The following CFAP91 variants were observed in gnomAD, a reference collection of about 807,000 sequenced individuals.
CFAP91 encodes the protein cilia- and flagella-associated protein 91.
Under a neutral mutation model 95.9 loss-of-function variants are expected in CFAP91, and 85 were observed. That is an observed-to-expected ratio of 0.89 (90% confidence interval 0.74 to 1.06). The LOEUF is 1.06. CFAP91 is among the 50% of genes least tolerant of loss of function. The pLI, the probability that CFAP91 is intolerant of heterozygous loss-of-function variation, is 0.00. For synonymous variants in CFAP91, 335 were observed against 327.5 expected (o/e 1.02, Z -0.25); for missense variants, 962 against 943.4 (o/e 1.02, Z -0.26).
chr3:119,739,940 G>T (rs935741310), intron 12 of CFAP91, among the ~76,000 whole-genome samples: 30 of 152,094 alleles, frequency 2.0e-4, no homozygotes, highest in African/African-American at 7.0e-4. Context: ...TAAAGCCTTA[G>T]CCAGATTATT....
chr3:119,737,478 C>G lies in CFAP91; in HGVS notation c.1457C>G (p.Ser486Cys). The change falls in exon 11 of 18, where the codon TCC (serine) becomes TGC (cysteine). Residue 486 changes from serine (S) to cysteine (C), a missense_variant. Coordinates refer to ENST00000273390, the MANE Select transcript of CFAP91 (RefSeq NM_033364.4). ...RLPTPTLEMTSNEEEEMEMAV... is the reference protein window; with the variant it reads ...RLPTPTLEMTCNEEEEMEMAV... Reference sequence around the variant, plus strand: ...CCAACTCCAACCTTGGAAATGACGTCCAATGTAAGTTGGAAACTTTTTAGT... The same window carrying G: ...CCAACTCCAACCTTGGAAATGACGTGCAATGTAAGTTGGAAACTTTTTAGT... 1 of 1,581,430 alleles carries G rather than the reference C, an allele frequency of 6.3e-7. No individual in the cohort carries two copies. The highest frequency in any genetic ancestry group is 1.2e-5 in the South Asian group (1 of 86,956).
At chr3:119,740,808 C>A in intron 13 of CFAP91, 113 bp downstream of exon 13, 1 of 1,156,610 alleles carries the variant, frequency 8.6e-7, no homozygotes, top group Non-Finnish European at 1.2e-6. Flanking sequence ...AAGAAACAGC[C>A]CCACAATCCC....
At chr3:119,739,218 G>C (rs749855431) in intron 11 of CFAP91, 37 bp from the exon 12 acceptor site, 4 of 1,566,996 alleles carry the variant, frequency 2.6e-6, no homozygotes, top group Non-Finnish European at 3.5e-6. Flanking sequence ...GACTACTGCA[G>C]TTCTCAAGCT....
intron 6 of CFAP91, among the ~76,000 whole-genome samples, chr3:119,722,203 G>T (rs1350659242): frequency 6.8e-6 from 1 of 146,136 alleles, no homozygotes; most frequent in Non-Finnish European, 1.5e-5. Flanking sequence ...AAAGGAAGAA[G>T]ATGAAAGAAA....
chr3:119,740,932 G>A, intron 13 of CFAP91: 1 of 474,050 alleles, frequency 2.1e-6, no homozygotes, highest in Non-Finnish European at 3.8e-6. Flanking sequence ...GTGGCTCACT[G>A]CAACCTCTGC....
At chr3:119,711,047 C>T (rs181407053) in intron 5 of CFAP91, among the ~76,000 whole-genome samples, 47 of 152,252 alleles carry the variant, frequency 3.1e-4, no homozygotes, top group Non-Finnish European at 4.4e-5. Context: ...TTTCTGAATA[C>T]AAATTTATTC....
At chr3:119,706,568 C>A in intron 1 of CFAP91, 1 of 461,682 alleles carries the variant, frequency 2.2e-6, no homozygotes, top group East Asian at 3.6e-5. Flanking sequence ...TTTATGAATT[C>A]CACTTCCGTA....
chr3:119,762,771 A>G (rs913262081), intron 17 of CFAP91, among the ~76,000 whole-genome samples: 2 of 152,074 alleles, frequency 1.3e-5, no homozygotes, highest in Non-Finnish European at 2.9e-5. Context: ...ATCTACATAC[A>G]GAAGAATGAA....
chr3:119,743,841 A>G (rs906486779), intron 13 of CFAP91, 134 bp from the exon 14 acceptor site: 14 of 790,696 alleles, frequency 1.8e-5, no homozygotes, highest in Admixed American at 3.0e-5. Flanking sequence ...TTGAGAGGTA[A>G]TATTCCCAGT....
intron 7 of CFAP91, among the ~76,000 whole-genome samples, chr3:119,728,015 T>C (rs9828064): frequency 0.53 from 74,690 of 141,848 alleles, 18,823 homozygotes; most frequent in East Asian, 0.62. Flanking sequence ...ATGATGATAA[T>C]GATGATGATG....
intron 5 of CFAP91, among the ~76,000 whole-genome samples, chr3:119,711,600 A>G (rs997731043): frequency 9.2e-5 from 14 of 152,212 alleles, no homozygotes; most frequent in Non-Finnish European, 1.8e-4. Context: ...GCTACTCTCT[A>G]TCTGTCTTAG....
In CFAP91 at chr3:119,765,079, T is replaced by C. The variant is rs1341856946; in HGVS notation, c.*29T>C. 6.6e-6 allele frequency: 1 copy of C among 152,198 alleles called. No individual in the cohort carries two copies. Among genetic ancestry groups the C allele is most frequent in the African/African-American group, 2.4e-5 (1 of 41,452 alleles). 9.4% of individuals were successfully genotyped at this position (152,198 alleles called of 1,614,324 possible). ...TGTGATTTTTTTGTAAAAGAAGCTG[T>C]ACGAATCATCATAAATAATTCCAAT... On this transcript the variant is annotated 3_prime_UTR_variant, in exon 18 of 18. Coordinates refer to ENST00000273390, the MANE Select transcript of CFAP91 (RefSeq NM_033364.4).
At chr3:119,750,581 G>A (rs889136865) in intron 16 of CFAP91, 39 of 246,316 alleles carry the variant, frequency 1.6e-4, no homozygotes, top group Non-Finnish European at 2.0e-4. Context: ...CTCACATGAA[G>A]TGCTTCAATG....
chr3:119,737,380 G>A lies in CFAP91; in HGVS notation c.1359G>A (p.Lys453=), dbSNP rs2054030424. The A allele has an allele frequency of 6.3e-7, 1 of 1,589,358 alleles. No individual in the cohort carries two copies. Among genetic ancestry groups the A allele is most frequent in the Non-Finnish European group, 8.6e-7 (1 of 1,167,556 alleles). Residue 453 remains lysine, a synonymous_variant, in exon 11 of 18, where the codon AAG becomes AAA. Coordinates refer to ENST00000273390, the MANE Select transcript of CFAP91 (RefSeq NM_033364.4). ...CATTATTTCAGGCACTGTTGGATAA[G>A]AAGAATAAAGTTCTTGAAGTAAAGA... The part of the protein sequence containing the change: ...LAEVHKALLD[K]KNKVLEVKKP...
rs1435143004 is a variant in CFAP91, at chr3:119,757,156, C to T, written c.*1+6058C>T. On this transcript the variant is annotated intron_variant, in intron 17 of 17. Transcript: ENST00000273390. ...AGTATTAGAGAAAAAGAGGGACATG[C>T]CATAAAGATAAAGGTCTAATTTATT... is the stretch of plus-strand genomic sequence containing the variant. Among the ~76,000 whole-genome samples, 4 of 151,882 alleles carry T rather than the reference C, an allele frequency of 2.6e-5. No individual in the cohort carries two copies. The East Asian group carries it at 7.7e-4, about 29-fold the overall frequency.
intron 6 of CFAP91, among the ~76,000 whole-genome samples, chr3:119,722,671 T>A (rs572365183): frequency 1.3e-5 from 2 of 152,172 alleles, no homozygotes; most frequent in Admixed American, 1.3e-4. Flanking sequence ...AAAATATATT[T>A]TTTTGTGGAG....
At chr3:119,743,222 A>G (rs2054154891) in intron 13 of CFAP91, among the ~76,000 whole-genome samples, 1 of 151,178 alleles carries the variant, frequency 6.6e-6, no homozygotes, top group African/African-American at 2.4e-5. Context: ...GGCGCAGGCA[A>G]TTCTCCTGCC....
intron 13 of CFAP91, among the ~76,000 whole-genome samples, chr3:119,741,925 A>G (rs1000581641): frequency 7.2e-5 from 11 of 152,190 alleles, no homozygotes; most frequent in African/African-American, 2.4e-4. Flanking sequence ...GTGAGATCCA[A>G]CAGAGGAACC....
chr3:119,738,330 G>GTTTTTTTTTTTTTT (rs1559761130), intron 11 of CFAP91, among the ~76,000 whole-genome samples: 4 of 23,706 alleles, frequency 1.7e-4, no homozygotes, highest in Non-Finnish European at 4.9e-4. Context: ...TTGACATATT[G>GTTTTTTTTTTTTTT]TCTTTTTTTT....
Sources: gnomAD v4.1 joint callset for allele counts (sites outside exome capture counted in the v4.1 genomes callset) on GRCh38, gnomAD v4.1.1 for gene constraint, MANE v1.5 for transcripts, NCBI Gene and HGNC (gene_info 2026-07-23, HGNC 2026-07-21) for gene names.